PEBP4: variants seen among roughly 807,000 people sequenced by gnomAD.
The protein encoded by PEBP4 is phosphatidylethanolamine binding protein 4, also known as phosphatidylethanolamine-binding protein 4.
Under a neutral mutation model 23.9 loss-of-function variants are expected in PEBP4, and 22 were observed. That is an observed-to-expected ratio of 0.92 (90% CI 0.66 to 1.31). The LOEUF is 1.31. Ranked by LOEUF, PEBP4 falls within the 40% of genes most tolerant of loss-of-function variation. The pLI, the probability that PEBP4 is intolerant of heterozygous loss-of-function variation, is 0.00. For synonymous variants in PEBP4, 112 were observed against 99.3 expected, an observed-to-expected ratio of 1.13 and a Z score of -0.76; for missense variants, 324 against 281.7, an observed-to-expected ratio of 1.15 and a Z score of -1.07.
chr8:22,751,526 G>T (rs942721069), intron 4 of PEBP4, among the ~76,000 whole-genome samples: 4 of 151,866 alleles, frequency 2.6e-5, no homozygotes, highest in African/African-American at 4.8e-5. Flanking sequence ...AGATAGAGAG[G>T]CCCCAAATCA....
At chr8:22,747,298 C>T (rs1475451323) in intron 4 of PEBP4, among the ~76,000 whole-genome samples, 2 of 152,184 alleles carry the variant, frequency 1.3e-5, no homozygotes, top group African/African-American at 2.4e-5. Context: ...GTGCCCCCAC[C>T]CTTGTTCAGG....
chr8:22,739,615 G>A (rs1361821517), intron 4 of PEBP4, among the ~76,000 whole-genome samples: 1 of 152,100 alleles, frequency 6.6e-6, no homozygotes, highest in African/African-American at 2.4e-5. Flanking sequence ...TGAGTGAGCT[G>A]GAACCCCATG....
chr8:22,733,473 G>A (rs1004494948), intron 4 of PEBP4, among the ~76,000 whole-genome samples: 1 of 152,136 alleles, frequency 6.6e-6, no homozygotes, highest in African/African-American at 2.4e-5. Context: ...TAGGTCTGGA[G>A]TGTGGGGAAG....
intron 3 of PEBP4, among the ~76,000 whole-genome samples, chr8:22,825,795 A>C (rs1394688737): frequency 6.6e-6 from 1 of 152,266 alleles, no homozygotes; most frequent in Non-Finnish European, 1.5e-5. Flanking sequence ...TAGGATGTCT[A>C]TCAACAGATG....
chr8:22,850,678 T>G (rs1807533285), intron 3 of PEBP4, among the ~76,000 whole-genome samples: 1 of 152,194 alleles, frequency 6.6e-6, no homozygotes. Flanking sequence ...ATTTATATGA[T>G]GGAGATACTC....
At chr8:22,819,441 C>T (rs1374550384) in intron 3 of PEBP4, among the ~76,000 whole-genome samples, 28 of 152,064 alleles carry the variant, frequency 1.8e-4, no homozygotes, top group Admixed American at 1.8e-3. Context: ...TGATATTTGG[C>T]TGGAATAGGC....
intron 6 of PEBP4, among the ~76,000 whole-genome samples, chr8:22,718,853 C>T (rs560108659): frequency 2.6e-5 from 4 of 152,272 alleles, no homozygotes; most frequent in African/African-American, 7.2e-5. Context: ...TCCCTCCATG[C>T]TTCCTGACAC....
intron 4 of PEBP4, among the ~76,000 whole-genome samples, chr8:22,732,517 T>G (rs1242035345): frequency 9.2e-5 from 14 of 152,136 alleles, no homozygotes; most frequent in Admixed American, 8.5e-4. Flanking sequence ...ACACTTTACC[T>G]GTGTAACAAA....
intron 3 of PEBP4, among the ~76,000 whole-genome samples, chr8:22,888,543 C>T (rs1181404189): frequency 6.6e-6 from 1 of 152,238 alleles, no homozygotes; most frequent in African/African-American, 2.4e-5. Context: ...TTCTGCCTAT[C>T]TCTGGCCAGG....
chr8:22,734,581 C>A (rs756146060), intron 4 of PEBP4, among the ~76,000 whole-genome samples: 1 of 152,148 alleles, frequency 6.6e-6, no homozygotes, highest in Non-Finnish European at 1.5e-5. Context: ...CATGGCAGAT[C>A]CTGGTATCTT....
intron 4 of PEBP4, among the ~76,000 whole-genome samples, chr8:22,769,118 G>A (rs916330795): frequency 2.0e-5 from 3 of 152,262 alleles, no homozygotes; most frequent in South Asian, 4.1e-4. Context: ...CTACCCTCAC[G>A]TTGCCACCAT....
intron 4 of PEBP4, among the ~76,000 whole-genome samples, chr8:22,766,111 C>T (rs1358102070): frequency 1.3e-5 from 2 of 152,282 alleles, no homozygotes; most frequent in Non-Finnish European, 2.9e-5. Context: ...ACTTCCTCTT[C>T]CTTCCAAGCC....
chr8:22,906,794 C>T (rs1335830497), intron 3 of PEBP4, among the ~76,000 whole-genome samples: 2 of 152,182 alleles, frequency 1.3e-5, no homozygotes, highest in East Asian at 1.9e-4. Flanking sequence ...TTGGTATGCA[C>T]CAGTGAATAA....
In PEBP4 at chr8:22,739,998, T is replaced by C. The variant is rs189806470; in HGVS notation, c.358-12778A>G. Among the ~76,000 whole-genome samples the C allele has an allele frequency of 3.3e-5, 5 of 152,304 alleles. No homozygotes were observed. In the East Asian group the frequency reaches 9.7e-4, roughly 29 times the overall value. On this transcript the variant is annotated intron_variant, in intron 4 of 6. Coordinates refer to ENST00000256404, the MANE Select transcript of PEBP4 (RefSeq NM_144962.3). ...CAGGTGGGAGTCAGATTCCTCGTTCTGTTCTCTGCTTTGTCTCCCTCCTTT... is the reference window on the plus strand; with the variant it reads ...CAGGTGGGAGTCAGATTCCTCGTTCCGTTCTCTGCTTTGTCTCCCTCCTTT...
intron 4 of PEBP4, among the ~76,000 whole-genome samples, chr8:22,801,386 T>C (rs142367702): frequency 2.6e-5 from 4 of 152,168 alleles, no homozygotes; most frequent in Non-Finnish European, 5.9e-5. Flanking sequence ...TCAGTATCCC[T>C]GTACCTACCA....
At chr8:22,769,967 C>T (rs1805685239) in intron 4 of PEBP4, among the ~76,000 whole-genome samples, 1 of 152,182 alleles carries the variant, frequency 6.6e-6, no homozygotes, top group Non-Finnish European at 1.5e-5. Context: ...CTATTCCTGC[C>T]ACTCTGCTGC....
At chr8:22,810,126 T>C (rs12681784) in intron 4 of PEBP4, among the ~76,000 whole-genome samples, 32,870 of 152,146 alleles carry the variant, frequency 0.22, 4,024 homozygotes, top group South Asian at 0.28. Context: ...TCTCTTCTGT[T>C]TTCCAACGAG....
At chr8:22,882,029 T>C (rs974268757) in intron 3 of PEBP4, among the ~76,000 whole-genome samples, 1 of 152,204 alleles carries the variant, frequency 6.6e-6, no homozygotes, top group Non-Finnish European at 1.5e-5. Flanking sequence ...TTGTCAATGA[T>C]ACCTGGGAGG....
intron 3 of PEBP4, among the ~76,000 whole-genome samples, chr8:22,901,634 G>A (rs180707960): frequency 1.3e-4 from 20 of 152,290 alleles, no homozygotes; most frequent in Admixed American, 1.2e-3. Context: ...CTCCTCTCCA[G>A]GGCAAGGCCA....
Sources: gnomAD v4.1 joint callset for allele counts (sites outside exome capture counted in the v4.1 genomes callset) on GRCh38, gnomAD v4.1.1 for gene constraint, MANE v1.5 for transcripts, NCBI Gene and HGNC (gene_info 2026-07-23, HGNC 2026-07-21) for gene names.